The following DGKG variants were observed in gnomAD, a reference collection of about 807,000 sequenced individuals.
The protein encoded by DGKG is diacylglycerol kinase gamma.
In DGKG, 78 loss-of-function variants were observed where a neutral mutation model predicts 105.3. That is an observed-to-expected ratio of 0.74 (90% CI 0.62 to 0.89). The LOEUF (loss-of-function observed/expected upper bound fraction) is 0.89. Among genes scored for constraint, DGKG ranks in the 40% least tolerant of loss-of-function variants. The probability of loss-of-function intolerance (pLI) is 0.00; values close to 1 mark genes in which losing one functional copy is unlikely to be tolerated. For synonymous variants in DGKG, 346 were observed against 367.1 expected, an observed-to-expected ratio of 0.94 and a Z score of 0.66; for missense variants, 958 against 1,020.1, an observed-to-expected ratio of 0.94 and a Z score of 0.83.
intron 22 of DGKG, among the ~76,000 whole-genome samples, chr3:186,186,941 T>C (rs1311103085): frequency 6.6e-6 from 1 of 152,204 alleles, no homozygotes; most frequent in Admixed American, 6.5e-5. Flanking sequence ...CTCTAAAGCA[T>C]ACTACCCAGT....
intron 20 of DGKG, among the ~76,000 whole-genome samples, chr3:186,228,408 T>C (rs1177812022): frequency 1.3e-5 from 2 of 152,204 alleles, no homozygotes; most frequent in South Asian, 2.1e-4. Context: ...CCAGTGTTTC[T>C]AGGAGCCCTG....
At chr3:186,179,023 G>A (rs1490800380) in intron 22 of DGKG, among the ~76,000 whole-genome samples, 1 of 152,214 alleles carries the variant, frequency 6.6e-6, no homozygotes, top group African/African-American at 2.4e-5. Context: ...CAGCGTATGT[G>A]CGATCACCAG....
intron 15 of DGKG, 42 bp from the exon 16 acceptor site, chr3:186,260,555 G>A: frequency 7.0e-7 from 1 of 1,432,524 alleles, no homozygotes; most frequent in East Asian, 2.3e-5. Context: ...GAGAGACAGA[G>A]AAGGAATATG....
intron 19 of DGKG, among the ~76,000 whole-genome samples, chr3:186,243,909 T>TTTTTTTTTTTTTTTTTTTG (rs1442522318): frequency 6.7e-6 from 1 of 149,452 alleles, no homozygotes; most frequent in African/African-American, 2.5e-5. Flanking sequence ...TTTTTTTTTT[T>TTTTTTTTTTTTTTTTTTTG]TTTTGAGATG....
rs142896015 is a variant in DGKG, at chr3:186,183,761, G to A, written c.2095+4441C>T. Among the ~76,000 whole-genome samples the A allele has an allele frequency of 8.8e-3, 1,335 of 151,642 alleles. 24 individuals are homozygous for A. Among genetic ancestry groups the A allele is most frequent in the African/African-American group, 0.031 (1,283 of 41,286 alleles). ...CTCTTGTTGCCCAGGCTGGAGTGCA[G>A]TGGTGCAATCTCAGCTCACTGCAAC... On this transcript the variant is annotated intron_variant, in intron 22 of 24. Transcript: ENST00000265022.
intron 24 of DGKG, among the ~76,000 whole-genome samples, chr3:186,156,625 C>T (rs1716048238): frequency 6.6e-6 from 1 of 151,590 alleles, no homozygotes; most frequent in Non-Finnish European, 1.5e-5. Flanking sequence ...ATTTTGGGAT[C>T]CCTGTTCAGG....
chr3:186,159,529 A>G (rs1716187927), intron 24 of DGKG: 2 of 152,186 alleles, frequency 1.3e-5, no homozygotes, highest in African/African-American at 4.8e-5. Flanking sequence ...TTGCATAAAC[A>G]TATTTAGCAG....
intron 16 of DGKG, among the ~76,000 whole-genome samples, chr3:186,260,005 C>G (rs964273714): frequency 2.0e-4 from 31 of 152,200 alleles, no homozygotes; most frequent in African/African-American, 7.5e-4. Flanking sequence ...CAACGGAACA[C>G]CAAGGCAGAA....
intron 24 of DGKG, chr3:186,161,213 G>T: frequency 4.0e-6 from 4 of 994,632 alleles, no homozygotes; most frequent in South Asian, 8.9e-5. Flanking sequence ...TTCCACGTAA[G>T]GAAGCAATTT....
At chr3:186,171,773 T>A (rs1716829504) in intron 22 of DGKG, among the ~76,000 whole-genome samples, 1 of 152,212 alleles carries the variant, frequency 6.6e-6, no homozygotes, top group South Asian at 2.1e-4. Context: ...GTAATCTGCA[T>A]ATGACAGTCA....
chr3:186,275,552 C>T lies in DGKG; in HGVS notation c.905G>A (p.Cys302Tyr), dbSNP rs764258599. ...TTTGAAGGAAATTTACTCACAAGTG[C>T]AGCACAGGCCTTGCTTGCGGACGCC... ...LMGVRKQGLCCTYCKYTVHER... is the reference protein window; with the variant it reads ...LMGVRKQGLCYTYCKYTVHER... Residue 302 changes from cysteine to tyrosine, a missense_variant, in exon 10 of 25, where the codon TGC becomes TAC. By Grantham distance (194) the Cys-to-Tyr change is radical (BLOSUM62 -2). Transcript: ENST00000265022. 6 of 1,613,872 alleles carry T rather than the reference C, an allele frequency of 3.7e-6. No homozygotes were observed. Among genetic ancestry groups the T allele is most frequent in the Non-Finnish European group, 5.1e-6 (6 of 1,179,738 alleles).
At position 186,148,986 on chromosome 3, in the gene DGKG, G is replaced by A. The variant is rs202200590; in HGVS notation, c.*1104C>T. The A allele has an allele frequency of 1.3e-6, 1 of 773,130 alleles. No homozygotes were observed. The highest frequency in any genetic ancestry group is 1.6e-6 in the Non-Finnish European group (1 of 641,454). 47.9% of individuals were successfully genotyped at this position (773,130 alleles called of 1,614,324 possible). On this transcript the variant is annotated 3_prime_UTR_variant, in exon 25 of 25. Coordinates refer to ENST00000265022, the MANE Select transcript of DGKG (RefSeq NM_001346.3). ...ATATATATATATATATAAATATATA[G>A]GCTAAATATATATATATACACGCAC...
intron 1 of DGKG, among the ~76,000 whole-genome samples, chr3:186,331,086 G>A (rs1215724097): frequency 6.6e-6 from 1 of 152,204 alleles, no homozygotes; most frequent in East Asian, 1.9e-4. Context: ...ATGCAAATAT[G>A]TATCACTGCC....
Position 186,147,289 on chromosome 3 carries a change from G to T in DGKG, c.*2801C>A. On this transcript the variant is annotated 3_prime_UTR_variant, in exon 25 of 25. Transcript: ENST00000265022. ...TGTAGCATGGCCAGAATCAGAATAA[G>T]ATAAGAAATAAGGGATTAGGTTCTC... 1 of 985,792 alleles carries T rather than the reference G, an allele frequency of 1.0e-6. No homozygotes were observed. The highest frequency in any genetic ancestry group is 1.2e-6 in the Non-Finnish European group (1 of 829,868). 61.1% of individuals were successfully genotyped at this position (985,792 alleles called of 1,614,324 possible).
At chr3:186,160,782 G>A (rs1024969805) in intron 24 of DGKG, 4 of 985,284 alleles carry the variant, frequency 4.1e-6, no homozygotes, top group Admixed American at 6.2e-5. Context: ...CCAGGACGAC[G>A]ATTGCTCTTC....
intron 17 of DGKG, among the ~76,000 whole-genome samples, chr3:186,257,497 A>G (rs958123357): frequency 1.3e-5 from 2 of 152,136 alleles, no homozygotes; most frequent in African/African-American, 4.8e-5. Context: ...ATCTATGCTT[A>G]GTTCTCTGGC....
chr3:186,242,634 G>T, intron 19 of DGKG, 66 bp from the exon 20 acceptor site: 1 of 1,381,534 alleles, frequency 7.2e-7, no homozygotes, highest in Non-Finnish European at 1.0e-6. Flanking sequence ...CGGAGGGAAG[G>T]GACGCACGCA....
At chr3:186,208,203 G>A (rs920676958) in intron 21 of DGKG, among the ~76,000 whole-genome samples, 17 of 151,792 alleles carry the variant, frequency 1.1e-4, no homozygotes, top group African/African-American at 9.7e-5. Flanking sequence ...CACCACACCC[G>A]GCTAATTTTT....
intron 6 of DGKG, among the ~76,000 whole-genome samples, chr3:186,286,792 G>T (rs999484975): frequency 2.0e-5 from 3 of 152,138 alleles, no homozygotes; most frequent in African/African-American, 7.2e-5. Flanking sequence ...CCAGCAATTT[G>T]GGAGGCCAAG....
Sources: gnomAD v4.1 joint callset for allele counts (sites outside exome capture counted in the v4.1 genomes callset) on GRCh38, gnomAD v4.1.1 for gene constraint, MANE v1.5 for transcripts, NCBI Gene and HGNC (gene_info 2026-07-23, HGNC 2026-07-21) for gene names.